Variants in ZFP64 observed in about 807,000 individuals in gnomAD.
ZFP64 encodes ZFP64 zinc finger protein.
In ZFP64, 14 loss-of-function variants were observed where a neutral mutation model predicts 51.6. The ratio of observed to expected loss-of-function variants is 0.27; its 90% CI spans 0.18 to 0.42. The LOEUF is 0.42. Among genes scored for constraint, ZFP64 ranks in the 10% least tolerant of loss-of-function variants. The pLI, the probability that ZFP64 is intolerant of heterozygous loss-of-function variation, is 1.00. For synonymous variants in ZFP64, 375 were observed against 361.4 expected, an observed-to-expected ratio of 1.04 and a Z score of -0.43; for missense variants, 754 against 906.8, an observed-to-expected ratio of 0.83 and a Z score of 2.16.
Position 52,153,889 on chromosome 20 carries a change from T to C in ZFP64, c.764-461A>G, listed in dbSNP as rs946269747. On this transcript the variant is annotated intron_variant, in intron 5 of 5. Coordinates refer to ENST00000216923, the MANE Select transcript of ZFP64 (RefSeq NM_018197.3). The surrounding 1 kb of genome is among the most constrained non-coding windows in gnomAD (Gnocchi z 5.1). The stretch of plus-strand genomic sequence containing the variant: ...GCTCCGTGCTGCACTCATTGGAGTA[T>C]GGTTTTACAATGACTGAAACACCCA... Among the ~76,000 whole-genome samples the C allele has an allele frequency of 6.6e-6, 1 of 152,202 alleles. No homozygotes were observed. Among genetic ancestry groups the C allele is most frequent in the Non-Finnish European group, 1.5e-5 (1 of 68,030 alleles).
At chr20:52,180,328 ACTT>A (rs1983524437) in intron 2 of ZFP64, among the ~76,000 whole-genome samples, 1 of 152,314 alleles carries the variant, frequency 6.6e-6, no homozygotes, top group East Asian at 1.9e-4. Context: ...TCTCTAATTG[ACTT>A]CTTAATTTAA....
chr20:52,111,519 AT>A (rs528362906), intron 5 of ZFP64, among the ~76,000 whole-genome samples: 598 of 147,158 alleles, frequency 4.1e-3, no homozygotes, highest in African/African-American at 0.011. Flanking sequence ...CCAGAATCCG[AT>A]TTTTTTTTTT....
chr20:52,116,239 G>A (rs6091445), intron 5 of ZFP64, among the ~76,000 whole-genome samples: 26,614 of 151,074 alleles, frequency 0.18, 2,464 homozygotes, highest in Non-Finnish European at 0.21. Flanking sequence ...AGGTTCCAGC[G>A]ATTCTCCTGC....
chr20:52,121,139 C>T (rs1479518160), intron 5 of ZFP64, among the ~76,000 whole-genome samples: 1 of 152,178 alleles, frequency 6.6e-6, no homozygotes, highest in African/African-American at 2.4e-5. Context: ...TTTCTATTCC[C>T]TGAGACACAA....
intron 5 of ZFP64, chr20:52,098,715 G>C: frequency 1.6e-6 from 2 of 1,285,700 alleles, no homozygotes; most frequent in Non-Finnish European, 2.1e-6. Flanking sequence ...AAAAATGAAA[G>C]CCATGTGACC....
chr20:52,090,106 GAGA>G (rs1471978387), intron 7 of ZFP64, among the ~76,000 whole-genome samples: 1 of 152,204 alleles, frequency 6.6e-6, no homozygotes, highest in African/African-American at 2.4e-5. Context: ...GGATAGAACT[GAGA>G]AGAATTATTT....
At chr20:52,134,068 A>G (rs529483651) in intron 5 of ZFP64, among the ~76,000 whole-genome samples, 1 of 149,640 alleles carries the variant, frequency 6.7e-6, no homozygotes, top group Non-Finnish European at 1.5e-5. Context: ...ACTTTTCCCT[A>G]TTGCAGGAAA....
At chr20:52,089,065 G>T (rs550820640) in intron 7 of ZFP64, 2 of 518,968 alleles carry the variant, frequency 3.9e-6, no homozygotes, top group South Asian at 2.8e-5. Context: ...TGGTCAAAGG[G>T]TGCTGAGGTC....
chr20:52,098,697 A>G, intron 5 of ZFP64: 1 of 1,447,582 alleles, frequency 6.9e-7, no homozygotes, highest in Non-Finnish European at 9.4e-7. Context: ...TTCCAGAAAA[A>G]ATTTAAAAAA....
chr20:52,148,275 T>G (rs1402159403), downstream of ZFP64, among the ~76,000 whole-genome samples: 1 of 152,182 alleles, frequency 6.6e-6, no homozygotes. Flanking sequence ...ATCTATAATC[T>G]TCCAGAATAA....
chr20:52,170,468 A>T (rs1322853621), intron 2 of ZFP64, among the ~76,000 whole-genome samples: 1 of 152,112 alleles, frequency 6.6e-6, no homozygotes, highest in Non-Finnish European at 1.5e-5. Flanking sequence ...AAAAAAACAA[A>T]ACCCAACAGC....
chr20:52,096,063 A>T (rs1049285802), intron 7 of ZFP64, among the ~76,000 whole-genome samples: 12 of 152,234 alleles, frequency 7.9e-5, no homozygotes, highest in Non-Finnish European at 1.6e-4. Context: ...CACTGTCCCC[A>T]GGCAAAAGTG....
At chr20:52,104,907 A>G in intron 5 of ZFP64, 1 of 670,920 alleles carries the variant, frequency 1.5e-6, no homozygotes. Context: ...TCTTGAGAGG[A>G]GTGGCTAGAG....
At chr20:52,109,570 G>A (rs1978436929) in intron 5 of ZFP64, among the ~76,000 whole-genome samples, 1 of 152,044 alleles carries the variant, frequency 6.6e-6, no homozygotes, top group Admixed American at 6.5e-5. Context: ...CCTGAGGTCA[G>A]GAGTTCGAGA....
rs1052762030 is a variant in ZFP64, at chr20:52,109,249, C to T, written c.764-10662G>A. Among the ~76,000 whole-genome samples, 11 of 151,938 alleles carry T rather than the reference C, an allele frequency of 7.2e-5. No individual in the cohort carries two copies. In the East Asian group the frequency reaches 1.2e-3, roughly 16 times the overall value. On this transcript the variant is annotated intron_variant, in intron 5 of 8. Coordinates refer to the ZFP64 transcript ENST00000361387. ...CACGATCTTGGCTCACTGCAAGCTCCGCCTCCCGGGTTCATGCAATTCTCC... is the reference window on the plus strand; with the variant it reads ...CACGATCTTGGCTCACTGCAAGCTCTGCCTCCCGGGTTCATGCAATTCTCC...
chr20:52,103,138 T>C (rs368288040), intron 5 of ZFP64, among the ~76,000 whole-genome samples: 9 of 151,942 alleles, frequency 5.9e-5, no homozygotes, highest in East Asian at 5.8e-4. Context: ...GAAGTGGGGG[T>C]GGGCCGCATT....
chr20:52,084,297 A>AC, exon 9 of ZFP64: 1 of 500,176 alleles, frequency 2.0e-6, no homozygotes, highest in Non-Finnish European at 3.6e-6. Flanking sequence ...GGCTTGGCAG[A>AC]CCCCGCCTTT....
rs79646797 is a variant in ZFP64, at chr20:52,084,299, C to A, written c.*258G>T. The A allele has an allele frequency of 4.7e-3, 2,367 of 499,872 alleles. 43 individuals are homozygous for A. Among genetic ancestry groups the A allele is most frequent in the African/African-American group, 0.041 (2,143 of 52,356 alleles). 31.0% of individuals were successfully genotyped at this position (499,872 alleles called of 1,614,324 possible). ...TTGGATAGAGCAGGGCTTGGCAGACCCCGCCTTTGAATGAACAAGTCGACT... is the reference window on the plus strand; with the variant it reads ...TTGGATAGAGCAGGGCTTGGCAGACACCGCCTTTGAATGAACAAGTCGACT... On this transcript the variant is annotated 3_prime_UTR_variant, in exon 9 of 9. Coordinates refer to the ZFP64 transcript ENST00000361387.
rs150054193 is a variant in ZFP64, at chr20:52,178,155, T to C, written c.286+8677A>G. Reference sequence around the variant, plus strand: ...ACCTTGCTCAGACCCCCTAATATATTATCCCCAGGAAGGGTCTGGATATCT... The same window carrying C: ...ACCTTGCTCAGACCCCCTAATATATCATCCCCAGGAAGGGTCTGGATATCT... On this transcript the variant is annotated intron_variant, in intron 2 of 5. Coordinates refer to ENST00000216923, the MANE Select transcript of ZFP64 (RefSeq NM_018197.3). Among the ~76,000 whole-genome samples the C allele has an allele frequency of 1.1e-3, 163 of 152,292 alleles. 1 individual carries two copies. The highest frequency in any genetic ancestry group is 3.8e-3 in the African/African-American group (160 of 41,572).
Sources: gnomAD v4.1 joint callset for allele counts (sites outside exome capture counted in the v4.1 genomes callset) on GRCh38, gnomAD v4.1.1 for gene constraint, Gnocchi (gnomAD v3.1) non-coding constraint, MANE v1.5 for transcripts, NCBI Gene and HGNC (gene_info 2026-07-23, HGNC 2026-07-21) for gene names.